SLC25A48: variants seen among roughly 807,000 people sequenced by gnomAD.
SLC25A48 encodes the protein solute carrier family 25 member 48.
In SLC25A48, 29 loss-of-function variants were observed where a neutral mutation model predicts 32.2. The observed-to-expected ratio is 0.90, with a 90% CI of 0.67 to 1.23. The LOEUF is 1.23. Ranked by LOEUF, SLC25A48 falls within the 50% of genes most tolerant of loss-of-function variation. SLC25A48 has a pLI of 0.00. For synonymous variants in SLC25A48, 164 were observed against 172.3 expected (o/e 0.95, Z 0.38); for missense variants, 399 against 422.7 (o/e 0.94, Z 0.49).
intron 4 of SLC25A48, among the ~76,000 whole-genome samples, chr5:135,827,900 C>G (rs28484941): frequency 0.04 from 6,048 of 152,258 alleles, 367 homozygotes; most frequent in African/African-American, 0.14. Context: ...CCCAAAGGAA[C>G]AGACAGGTTG....
chr5:135,727,524 A>G (rs1384207344), intron 3 of SLC25A48, among the ~76,000 whole-genome samples: 3 of 151,916 alleles, frequency 2.0e-5, no homozygotes, highest in Non-Finnish European at 4.4e-5. Context: ...TTTTTCTAAA[A>G]GTTTTATAGT....
At chr5:135,738,282 G>A (rs1420913755) in intron 3 of SLC25A48, among the ~76,000 whole-genome samples, 3 of 152,154 alleles carry the variant, frequency 2.0e-5, no homozygotes, top group Non-Finnish European at 4.4e-5. Context: ...GGCCAGGGTG[G>A]CTCTGTGTCC....
chr5:135,772,226 G>A (rs1050162306), intron 3 of SLC25A48, among the ~76,000 whole-genome samples: 3 of 151,218 alleles, frequency 2.0e-5, no homozygotes, highest in African/African-American at 7.3e-5. Flanking sequence ...GCAGGGAGGT[G>A]TACACCTTTC....
At chr5:135,608,558 G>T (rs1233452312) in intron 1 of SLC25A48, among the ~76,000 whole-genome samples, 2 of 152,218 alleles carry the variant, frequency 1.3e-5, no homozygotes, top group East Asian at 1.9e-4. Context: ...TCTATGTGGG[G>T]CTGCGCCTGT....
chr5:135,839,102 A>G (rs184886676), intron 1 of SLC25A48, among the ~76,000 whole-genome samples: 1 of 152,282 alleles, frequency 6.6e-6, no homozygotes, highest in African/African-American at 2.4e-5. Flanking sequence ...AAGAAACCCC[A>G]TTTCCTTTCT....
rs76877450 is a variant in SLC25A48 at position 135,795,027 on chromosome 5, T to A, written c.-520-17496T>A. 3.9e-3 allele frequency among the ~76,000 whole-genome samples: 596 copies of A among 151,644 alleles called. 7 individuals are homozygous for A. Among genetic ancestry groups the A allele is most frequent in the East Asian group, 0.013 (69 of 5,142 alleles). ...GATATTACACTCAATTTCCCAGGGG[T>A]TATACACCCCCACATTGATATTGTT... On this transcript the variant is annotated intron_variant, in intron 3 of 10. Coordinates refer to the SLC25A48 transcript ENST00000646290.
At position 135,834,889 on chromosome 5, in the gene SLC25A48, C is replaced by G. The variant is rs1346428568; in HGVS notation, c.42C>G (p.Ile14Met). ...TGGAAGACTTTGCGGCGGGCTGGAT[C>G]GGAGGTGAGTGTGCTTACCGGGGAC... Reference protein sequence around the residue: ...FQLEDFAAGWIGGAASVIVGH... With the variant: ...FQLEDFAAGWMGGAASVIVGH... Residue 14 changes from isoleucine to methionine, a missense_variant, in exon 1 of 8, where the codon ATC becomes ATG. Physicochemically the swap from Ile to Met is conservative, Grantham distance 10. Coordinates refer to ENST00000681962, the MANE Select transcript of SLC25A48 (RefSeq NM_001349336.2). 7 of 1,602,808 alleles carry G rather than the reference C, an allele frequency of 4.4e-6. No homozygotes were observed. The highest frequency in any genetic ancestry group is 6.0e-6 in the Non-Finnish European group (7 of 1,175,666).
chr5:135,863,870 A>G (rs1386171974), intron 4 of SLC25A48, among the ~76,000 whole-genome samples: 1 of 152,208 alleles, frequency 6.6e-6, no homozygotes, highest in Non-Finnish European at 1.5e-5. Context: ...GGACAGAGAC[A>G]GAGGGCAATG....
chr5:135,775,439 A>G (rs539597033), intron 3 of SLC25A48, among the ~76,000 whole-genome samples: 3 of 151,676 alleles, frequency 2.0e-5, no homozygotes, highest in South Asian at 4.2e-4. Context: ...AAAGAGAATA[A>G]TATGACTCCC....
At chr5:135,858,108 G>T in intron 4 of SLC25A48, among the ~76,000 whole-genome samples, 1 of 152,102 alleles carries the variant, frequency 6.6e-6, no homozygotes, top group Non-Finnish European at 1.5e-5. Flanking sequence ...ATTTGTCTGT[G>T]GTGCCAGAAG....
chr5:135,765,104 G>T (rs1283374794), intron 3 of SLC25A48, among the ~76,000 whole-genome samples: 2 of 151,594 alleles, frequency 1.3e-5, no homozygotes, highest in East Asian at 3.9e-4. Context: ...ATATCACAGA[G>T]GGGCATACAC....
intron 2 of SLC25A48, among the ~76,000 whole-genome samples, chr5:135,845,731 A>G (rs183311401): frequency 6.0e-4 from 91 of 152,326 alleles, no homozygotes; most frequent in Non-Finnish European, 8.8e-5. Context: ...AGATGATGCT[A>G]CTATCAAGAA....
chr5:135,703,754 T>A (rs997688181), intron 3 of SLC25A48, among the ~76,000 whole-genome samples: 2 of 152,232 alleles, frequency 1.3e-5, no homozygotes, highest in Non-Finnish European at 2.9e-5. Flanking sequence ...GTGGGCTCTG[T>A]GAGGACTGGA....
intron 3 of SLC25A48, among the ~76,000 whole-genome samples, chr5:135,657,344 C>T (rs974474105): frequency 2.6e-5 from 4 of 152,186 alleles, no homozygotes; most frequent in African/African-American, 9.7e-5. Context: ...AGATGTTTCT[C>T]AGAATGCTGT....
intron 3 of SLC25A48, among the ~76,000 whole-genome samples, chr5:135,701,388 TA>T (rs1205237470): frequency 6.6e-6 from 1 of 152,170 alleles, no homozygotes; most frequent in Non-Finnish European, 1.5e-5. Flanking sequence ...CCCTCCTTGT[TA>T]CCAAAGTTAG....
chr5:135,879,583 G>GGAGAGA (rs371969525), intron 6 of SLC25A48, among the ~76,000 whole-genome samples: 6 of 143,426 alleles, frequency 4.2e-5, no homozygotes, highest in Admixed American at 2.1e-4. Context: ...AGATTCCCGA[G>GGAGAGA]GAGAGAGAGA....
chr5:135,847,764 C>T (rs1759539428), intron 2 of SLC25A48, among the ~76,000 whole-genome samples: 1 of 152,138 alleles, frequency 6.6e-6, no homozygotes, highest in Non-Finnish European at 1.5e-5. Flanking sequence ...ACATTCTCCT[C>T]AAGAGCCTCC....
At chr5:135,828,700 C>T (rs11748856) in intron 4 of SLC25A48, among the ~76,000 whole-genome samples, 57,420 of 152,178 alleles carry the variant, frequency 0.38, 11,890 homozygotes, top group Non-Finnish European at 0.48. Flanking sequence ...TTCATCCACT[C>T]GCAGAGCAGC....
At chr5:135,754,336 G>T (rs1045482845) in intron 3 of SLC25A48, among the ~76,000 whole-genome samples, 1 of 151,966 alleles carries the variant, frequency 6.6e-6, no homozygotes, top group African/African-American at 2.4e-5. Flanking sequence ...TACACACAGG[G>T]TTATTATTGT....
Sources: allele counts gnomAD v4.1 joint callset (sites outside exome capture counted in the v4.1 genomes callset), GRCh38; gene constraint gnomAD v4.1.1; transcripts MANE v1.5; gene names NCBI Gene and HGNC (gene_info 2026-07-23, HGNC 2026-07-21).